Variants in CEP128 observed in about 807,000 individuals in gnomAD.
CEP128 encodes the protein centrosomal protein 128kDa.
In CEP128, 132 loss-of-function variants were observed where a neutral mutation model predicts 156.7. The observed-to-expected ratio is 0.84, with a 90% CI of 0.73 to 0.97. CEP128 has a LOEUF of 0.97. CEP128 is among the 50% of genes least tolerant of loss of function. CEP128 has a pLI of 0.00. For synonymous variants in CEP128, 469 were observed against 448.9 expected (o/e 1.04, Z -0.57); for missense variants, 1,252 against 1,281.9 (o/e 0.98, Z 0.36).
At chr14:80,712,304 T>A (rs1897440639) in intron 19 of CEP128, among the ~76,000 whole-genome samples, 1 of 152,180 alleles carries the variant, frequency 6.6e-6, no homozygotes, top group Admixed American at 6.6e-5. Flanking sequence ...AGGCAGGCTG[T>A]CCTTACTATT....
At chr14:80,531,332 C>A (rs1889217285) in intron 21 of CEP128, among the ~76,000 whole-genome samples, 1 of 152,120 alleles carries the variant, frequency 6.6e-6, no homozygotes, top group African/African-American at 2.4e-5. Context: ...GAAAAGAGTT[C>A]TCAGCAATTA....
chr14:80,482,245 T>C (rs997523131), intron 14 of CEP128, among the ~76,000 whole-genome samples: 2 of 152,210 alleles, frequency 1.3e-5, no homozygotes, highest in African/African-American at 4.8e-5. Flanking sequence ...AGTCACTGAT[T>C]GGTGGTGTCT....
chr14:80,501,221 A>C (rs1232324642), intron 24 of CEP128, among the ~76,000 whole-genome samples: 1 of 151,988 alleles, frequency 6.6e-6, no homozygotes, highest in African/African-American at 2.4e-5. Flanking sequence ...ATCATCACAA[A>C]CTCACTGGGG....
intron 18 of CEP128, among the ~76,000 whole-genome samples, chr14:80,755,000 G>T (rs991785495): frequency 6.6e-6 from 1 of 152,174 alleles, no homozygotes; most frequent in Non-Finnish European, 1.5e-5. Context: ...GAGCCTGGGT[G>T]TGTCTGTGAG....
chr14:80,871,223 T>C lies in CEP128; in HGVS notation c.646-8350A>G, dbSNP rs1888012168. On this transcript the variant is annotated intron_variant, in intron 8 of 24. Coordinates refer to ENST00000555265, the MANE Select transcript of CEP128 (RefSeq NM_152446.5). ...AGGATTTTTAAACCTGGAGGAATAA[T>C]TAAACATAATGACAATTTAAAAAAA... Among the ~76,000 whole-genome samples the C allele has an allele frequency of 2.6e-5, 4 of 152,008 alleles. No individual in the cohort carries two copies. In the South Asian group the frequency reaches 8.3e-4, roughly 32 times the overall value.
intron 2 of CEP128, among the ~76,000 whole-genome samples, chr14:80,938,972 AAGACCTGGGAAC>A (rs1885994634): frequency 6.6e-6 from 1 of 152,220 alleles, no homozygotes; most frequent in African/African-American, 2.4e-5. Flanking sequence ...TTGGAGTCAG[AAGACCTGGGAAC>A]AATGATCACT....
chr14:80,656,145 C>T (rs1895124674), intron 19 of CEP128, among the ~76,000 whole-genome samples: 1 of 151,306 alleles, frequency 6.6e-6, no homozygotes, highest in African/African-American at 2.4e-5. Flanking sequence ...AAAAACTGTA[C>T]ATCTTTGGCA....
intron 13 of CEP128, among the ~76,000 whole-genome samples, chr14:80,809,534 T>C (rs553711353): frequency 6.6e-6 from 1 of 152,032 alleles, no homozygotes; most frequent in Admixed American, 6.6e-5. Context: ...TAAGATACAA[T>C]ACAAAAAGAT....
At chr14:80,861,998 A>T (rs1887535758) in intron 9 of CEP128, among the ~76,000 whole-genome samples, 1 of 152,216 alleles carries the variant, frequency 6.6e-6, no homozygotes, top group Non-Finnish European at 1.5e-5. Flanking sequence ...AAATATGAAT[A>T]ATAAGGGAAT....
At chr14:80,860,460 C>G (rs1040499257) in intron 9 of CEP128, among the ~76,000 whole-genome samples, 1 of 152,106 alleles carries the variant, frequency 6.6e-6, no homozygotes, top group African/African-American at 2.4e-5. Context: ...CTTTTTCTCC[C>G]TCTTTCTTTG....
chr14:80,843,196 G>C (rs962616923), intron 9 of CEP128, among the ~76,000 whole-genome samples: 11 of 151,980 alleles, frequency 7.2e-5, no homozygotes, highest in Admixed American at 2.6e-4. Flanking sequence ...CCAAGATGTA[G>C]AACAAATAGG....
At chr14:80,675,041 T>G (rs1896003245) in intron 19 of CEP128, among the ~76,000 whole-genome samples, 1 of 152,124 alleles carries the variant, frequency 6.6e-6, no homozygotes, top group South Asian at 2.1e-4. Flanking sequence ...AGAATAGCCA[T>G]TTTGCTTTAA....
chr14:80,822,454 C>G (rs1204256537), intron 13 of CEP128: 7 of 518,878 alleles, frequency 1.3e-5, no homozygotes, highest in Non-Finnish European at 3.7e-6. Flanking sequence ...GAGGCGAGAA[C>G]GAACCCCTAA....
At chr14:80,831,817 A>G (rs1885817312) in intron 12 of CEP128, among the ~76,000 whole-genome samples, 2 of 152,216 alleles carry the variant, frequency 1.3e-5, no homozygotes, top group East Asian at 1.9e-4. Flanking sequence ...TTAAATCAAC[A>G]TGAAATACTT....
intron 18 of CEP128, 68 bp from the exon 19 acceptor site, chr14:80,743,335 G>GA: frequency 1.6e-6 from 2 of 1,232,434 alleles, no homozygotes; most frequent in Non-Finnish European, 2.3e-6. Flanking sequence ...AAAACATGAA[G>GA]AAAAAAATAA....
chr14:80,640,732 T>C (rs1298779232), intron 19 of CEP128, among the ~76,000 whole-genome samples: 3 of 152,120 alleles, frequency 2.0e-5, no homozygotes, highest in Non-Finnish European at 2.9e-5. Context: ...AGTACCCATA[T>C]AAAAAGAACT....
chr14:80,566,900 A>G (rs1355063659), intron 20 of CEP128, among the ~76,000 whole-genome samples: 7 of 102,386 alleles, frequency 6.8e-5, no homozygotes, highest in African/African-American at 3.0e-4. Context: ...AAAAGTTGTC[A>G]AGGAAAAAAA....
intron 19 of CEP128, among the ~76,000 whole-genome samples, chr14:80,643,646 G>T (rs1566829625): frequency 6.6e-6 from 1 of 151,858 alleles, no homozygotes; most frequent in Non-Finnish European, 1.5e-5. Context: ...GGAAGCGAAG[G>T]TTACAGTGAG....
intron 23 of CEP128, among the ~76,000 whole-genome samples, chr14:80,509,801 TATG>T (rs763079552): frequency 2.0e-5 from 3 of 152,212 alleles, no homozygotes; most frequent in Non-Finnish European, 2.9e-5. Context: ...GAATTTTATA[TATG>T]ATAAGAGGTA....
Sources: allele counts gnomAD v4.1 joint callset (sites outside exome capture counted in the v4.1 genomes callset), GRCh38; gene constraint gnomAD v4.1.1; transcripts MANE v1.5; gene names NCBI Gene and HGNC (gene_info 2026-07-23, HGNC 2026-07-21).